The following CDH1 variants were observed in gnomAD, a reference collection of about 807,000 sequenced individuals.
The protein encoded by CDH1 is cadherin 1.
CDH1 carries 35 observed loss-of-function variants against 84.5 expected under a neutral mutation model. The ratio of observed to expected loss-of-function variants is 0.41; its 90% CI spans 0.32 to 0.55. CDH1 has a LOEUF of 0.55. Among genes scored for constraint, CDH1 ranks in the 20% least tolerant of loss-of-function variants. The pLI, the probability that CDH1 is intolerant of heterozygous loss-of-function variation, is 0.19. For missense variants in CDH1, 994 were observed against 1,126.6 expected (o/e 0.88, Z 1.68); for synonymous variants, 417 against 439.0 (o/e 0.95, Z 0.63).
intron 2 of CDH1, among the ~76,000 whole-genome samples, chr16:68,745,656 A>G (rs571325890): frequency 1.1e-4 from 10 of 92,414 alleles, no homozygotes; most frequent in South Asian, 3.8e-4. Flanking sequence ...CACATGCCTA[A>G]GAATACCTGT....
chr16:68,818,630 T>C (rs1205838749), intron 10 of CDH1, among the ~76,000 whole-genome samples: 1 of 149,872 alleles, frequency 6.7e-6, no homozygotes, highest in African/African-American at 2.4e-5. Context: ...GTGCGGATCA[T>C]GAGGTCAGGA....
At chr16:68,805,954 GT>G (rs1960644082) in intron 3 of CDH1, among the ~76,000 whole-genome samples, 2 of 151,712 alleles carry the variant, frequency 1.3e-5, no homozygotes, top group Admixed American at 1.3e-4. Context: ...ATTGGTTTTT[GT>G]TTTTGTTTTT....
In CDH1 at chr16:68,808,275, T is replaced by C. The variant is rs549186962; in HGVS notation, c.388-149T>C. ...TGGTCATTTTGGTGGATATATATAA[T>C]TTGTCATTGATAAGAGAATGTGTCA... On this transcript the variant is annotated intron_variant, in intron 3 of 15. Coordinates refer to ENST00000261769, the MANE Select transcript of CDH1 (RefSeq NM_004360.5). 1.7e-5 allele frequency: 13 copies of C among 786,192 alleles called. No individual in the cohort carries two copies. The East Asian group carries it at 3.4e-4, about 20-fold the overall frequency. 48.7% of individuals were successfully genotyped at this position (786,192 alleles called of 1,614,324 possible). A position where few individuals can be genotyped will look rare whatever the true frequency, so the allele number is the denominator to read the frequency against.
At chr16:68,740,699 A>G (rs1962541986) in intron 2 of CDH1, among the ~76,000 whole-genome samples, 1 of 152,080 alleles carries the variant, frequency 6.6e-6, no homozygotes, top group South Asian at 2.1e-4. Flanking sequence ...ATATTATTAC[A>G]TATTAACACT....
chr16:68,762,766 G>A (rs1959256492), intron 2 of CDH1, among the ~76,000 whole-genome samples: 1 of 151,856 alleles, frequency 6.6e-6, no homozygotes, highest in Non-Finnish European at 1.5e-5. Flanking sequence ...AAAATTATCC[G>A]GGCGTGTTGG....
At chr16:68,816,414 A>T (rs1028802605) in intron 10 of CDH1, among the ~76,000 whole-genome samples, 1 of 152,232 alleles carries the variant, frequency 6.6e-6, no homozygotes, top group African/African-American at 2.4e-5. Context: ...CTGAGAACCC[A>T]CATGCCAACC....
chr16:68,806,525 G>T (rs1169971420), intron 3 of CDH1, among the ~76,000 whole-genome samples: 5 of 152,140 alleles, frequency 3.3e-5, no homozygotes, highest in Admixed American at 2.6e-4. Context: ...CCATAACTCA[G>T]TGTTTTCCAA....
At chr16:68,809,108 C>T (rs1174232368) in intron 5 of CDH1, 1 of 508,134 alleles carries the variant, frequency 2.0e-6, no homozygotes, top group African/African-American at 1.9e-5. Context: ...CCCAAGATGT[C>T]AACCTGTTCT....
At chr16:68,742,774 C>T (rs1343028753) in intron 2 of CDH1, among the ~76,000 whole-genome samples, 1 of 152,198 alleles carries the variant, frequency 6.6e-6, no homozygotes, top group Non-Finnish European at 1.5e-5. Flanking sequence ...CAGTATGCAG[C>T]CTCCCTAATA....
intron 2 of CDH1, among the ~76,000 whole-genome samples, chr16:68,746,082 G>A (rs1223702860): frequency 6.6e-6 from 1 of 152,194 alleles, no homozygotes; most frequent in Admixed American, 6.5e-5. Context: ...CTCCCAAAGT[G>A]CTGGGATCGC....
chr16:68,831,664 C>T (rs1413808634), intron 15 of CDH1, among the ~76,000 whole-genome samples: 1 of 151,954 alleles, frequency 6.6e-6, no homozygotes, highest in African/African-American at 2.4e-5. Flanking sequence ...CTCAGCCTCC[C>T]AAGTAGCTGG....
chr16:68,772,714 C>T lies in CDH1; in HGVS notation c.164-28956C>T, dbSNP rs547237141. 4.3e-3 allele frequency among the ~76,000 whole-genome samples: 658 copies of T among 152,212 alleles called. 4 individuals carry two copies. The highest frequency in any genetic ancestry group is 6.5e-3 in the Non-Finnish European group (442 of 67,988). On this transcript the variant is annotated intron_variant, in intron 2 of 15. Transcript: ENST00000261769. ...CTTTGGGAGGCCGAGGCAGGTGGAT[C>T]GCTTGTGCCCAGGAGTTCAGGACCA...
chr16:68,754,041 C>T (rs1962956337), intron 2 of CDH1, among the ~76,000 whole-genome samples: 1 of 150,426 alleles, frequency 6.6e-6, no homozygotes, highest in African/African-American at 2.4e-5. Context: ...ATGGCTTGAA[C>T]CTGGGAGGTG....
At chr16:68,830,082 G>C (rs972640298) in intron 15 of CDH1, among the ~76,000 whole-genome samples, 14 of 150,930 alleles carry the variant, frequency 9.3e-5, no homozygotes, top group Admixed American at 8.6e-4. Flanking sequence ...AGCCTCCCAA[G>C]TAGCTGGGAT....
intron 10 of CDH1, 98 bp from the exon 11 acceptor site, chr16:68,819,182 T>C (rs1961068343): frequency 7.2e-7 from 1 of 1,387,066 alleles, no homozygotes; most frequent in Non-Finnish European, 1.0e-6. Context: ...AATAAAAACG[T>C]TGGAAGTAAC....
intron 1 of CDH1, 71 bp from the exon 2 acceptor site, chr16:68,738,226 G>C: frequency 9.9e-7 from 1 of 1,011,176 alleles, no homozygotes; most frequent in South Asian, 1.4e-5. Context: ...GAGGGGCGGC[G>C]CTGTTGGTTT....
intron 2 of CDH1, among the ~76,000 whole-genome samples, chr16:68,777,047 A>C (rs1959752190): frequency 6.6e-6 from 1 of 152,214 alleles, no homozygotes; most frequent in Non-Finnish European, 1.5e-5. Flanking sequence ...TTGCTGTTCC[A>C]AATGCAACAT....
At chr16:68,800,189 T>TAAA (rs553796388) in intron 2 of CDH1, among the ~76,000 whole-genome samples, 1 of 140,788 alleles carries the variant, frequency 7.1e-6, no homozygotes. Context: ...AAATATTATT[T>TAAA]AAAAAAAAAA....
chr16:68,787,352 C>G (rs1168358758), intron 2 of CDH1, among the ~76,000 whole-genome samples: 1 of 152,192 alleles, frequency 6.6e-6, no homozygotes, highest in African/African-American at 2.4e-5. Flanking sequence ...AAGCCTTTCG[C>G]CTCAGTTGCT....
Sources: allele counts gnomAD v4.1 joint callset (sites outside exome capture counted in the v4.1 genomes callset), GRCh38; gene constraint gnomAD v4.1.1; transcripts MANE v1.5; gene names NCBI Gene and HGNC (gene_info 2026-07-23, HGNC 2026-07-21).